Variants in ADGRG7 observed in about 807,000 individuals in gnomAD.
ADGRG7 encodes the protein G-protein coupled receptor 128.
ADGRG7 carries 82 observed loss-of-function variants against 88.6 expected under a neutral mutation model. The observed-to-expected ratio is 0.93, with a 90% CI of 0.77 to 1.11. The LOEUF (loss-of-function observed/expected upper bound fraction) is 1.11. ADGRG7 is among the 50% of genes most tolerant of loss of function. ADGRG7 has a pLI of 0.00. For synonymous variants in ADGRG7, 381 were observed against 345.2 expected, an observed-to-expected ratio of 1.10 and a Z score of -1.15; for missense variants, 945 against 953.4, an observed-to-expected ratio of 0.99 and a Z score of 0.12.
intron 1 of ADGRG7, among the ~76,000 whole-genome samples, chr3:100,618,831 G>C (rs1707264455): frequency 6.6e-6 from 1 of 152,030 alleles, no homozygotes; most frequent in Admixed American, 6.6e-5. Flanking sequence ...TCACAATATT[G>C]ATTCTTCCTA....
chr3:100,683,012 T>G (rs1384454692), intron 15 of ADGRG7, among the ~76,000 whole-genome samples: 3 of 152,136 alleles, frequency 2.0e-5, no homozygotes, highest in Non-Finnish European at 4.4e-5. Context: ...AGGGAGGGCC[T>G]GATGAGCAGC....
In ADGRG7 at chr3:100,690,841, C is replaced by T. The variant is rs545936472; in HGVS notation, c.2137-3903C>T. Among the ~76,000 whole-genome samples the T allele has an allele frequency of 4.6e-5, 7 of 152,310 alleles. No homozygotes were observed. The South Asian group carries it at 1.5e-3, about 32-fold the overall frequency. ...GGGACCCACTTGAGGAGGCAGTCTGCCCGTTCTCAGATCTCAAGCTGTGTG... is the reference window on the plus strand; with the variant it reads ...GGGACCCACTTGAGGAGGCAGTCTGTCCGTTCTCAGATCTCAAGCTGTGTG... On this transcript the variant is annotated intron_variant, in intron 15 of 15. Coordinates refer to ENST00000273352, the MANE Select transcript of ADGRG7 (RefSeq NM_032787.3).
chr3:100,659,612 A>G (rs1432379496), intron 13 of ADGRG7, 76 bp from the exon 14 acceptor site: 1 of 1,254,798 alleles, frequency 8.0e-7, no homozygotes, highest in African/African-American at 1.5e-5. Context: ...AGTGAATGTC[A>G]ATAGTGTTAA....
At chr3:100,614,532 C>A (rs926062158) in intron 1 of ADGRG7, among the ~76,000 whole-genome samples, 5 of 152,078 alleles carry the variant, frequency 3.3e-5, no homozygotes, top group African/African-American at 1.2e-4. Context: ...TTTCTCTTTA[C>A]AACCAGAATA....
At chr3:100,611,283 C>T (rs181190455) in intron 1 of ADGRG7, among the ~76,000 whole-genome samples, 2,162 of 142,982 alleles carry the variant, frequency 0.015, 62 homozygotes, top group African/African-American at 0.05. Flanking sequence ...TTCCTTCCTT[C>T]CTTCCTTCCT....
chr3:100,689,770 A>G (rs7622313), intron 15 of ADGRG7, among the ~76,000 whole-genome samples: 50,281 of 151,884 alleles, frequency 0.33, 8,836 homozygotes, highest in East Asian at 0.54. Context: ...GCTTCCCTTT[A>G]TGGGTAACCC....
At chr3:100,627,867 A>G (rs1013022979) in intron 1 of ADGRG7, among the ~76,000 whole-genome samples, 1 of 152,030 alleles carries the variant, frequency 6.6e-6, no homozygotes, top group African/African-American at 2.4e-5. Flanking sequence ...CTGATATTTT[A>G]TCTTCCCTAT....
At chr3:100,658,127 A>G (rs1055985382) in intron 13 of ADGRG7, among the ~76,000 whole-genome samples, 17 of 152,138 alleles carry the variant, frequency 1.1e-4, no homozygotes, top group African/African-American at 3.9e-4. Flanking sequence ...TCCCCAGTTA[A>G]TAGTAATTCT....
intron 6 of ADGRG7, among the ~76,000 whole-genome samples, chr3:100,639,428 C>G (rs1177648703): frequency 6.6e-6 from 1 of 152,198 alleles, no homozygotes; most frequent in Non-Finnish European, 1.5e-5. Flanking sequence ...CAAAATAGAG[C>G]ATTCAAAGAT....
chr3:100,646,028 A>C lies in ADGRG7; in HGVS notation c.1030A>C (p.Ser344Arg). The C allele has an allele frequency of 6.2e-7, 1 of 1,614,024 alleles. No homozygotes were observed. Among genetic ancestry groups the C allele is most frequent in the Non-Finnish European group, 8.5e-7 (1 of 1,179,932 alleles). ...SKTFTAKSDFSQKIISSKTDE... is the reference protein window; with the variant it reads ...SKTFTAKSDFRQKIISSKTDE... The stretch of plus-strand genomic sequence containing the variant: ...AACTTTTACAGCTAAATCGGATTTT[A>C]GTCAAAAAATTATCTCAAGCAAAAC... Residue 344 changes from serine (S) to arginine (R), a missense_variant, in exon 9 of 16, where the codon AGT (serine) becomes CGT (arginine). By Grantham distance (110) the Ser-to-Arg change is moderately radical. Coordinates refer to ENST00000273352, the MANE Select transcript of ADGRG7 (RefSeq NM_032787.3).
At chr3:100,669,497 G>C (rs1014088129) in intron 15 of ADGRG7, among the ~76,000 whole-genome samples, 1 of 126,536 alleles carries the variant, frequency 7.9e-6, no homozygotes, top group African/African-American at 3.2e-5. Context: ...TCGCGCCACC[G>C]CACTCCAGCC....
chr3:100,637,385 T>C lies in ADGRG7; in HGVS notation c.681T>C (p.Asn227=). The C allele has an allele frequency of 6.2e-7, 1 of 1,612,716 alleles. No individual in the cohort carries two copies. Among genetic ancestry groups the C allele is most frequent in the Non-Finnish European group, 8.5e-7 (1 of 1,178,806 alleles). Residue 227 remains asparagine, a synonymous_variant, in exon 6 of 16, where the codon AAT becomes AAC. Transcript: ENST00000273352. ...DAFQRVAATA[N]DDALTTLIEQ... is the part of the protein sequence containing the mutation. ...TTCAAAGAGTTGCTGCTACTGCTAATGATGATGCCCTTACAACGTAAGCAC... is the reference window on the plus strand; with the variant it reads ...TTCAAAGAGTTGCTGCTACTGCTAACGATGATGCCCTTACAACGTAAGCAC...
chr3:100,649,832 C>A, intron 11 of ADGRG7, 25 bp downstream of exon 11: 1 of 1,345,912 alleles, frequency 7.4e-7, no homozygotes, highest in South Asian at 1.2e-5. Flanking sequence ...AGGCTCTTTT[C>A]AGAAGAGAAA....
chr3:100,625,128 G>T (rs1707364928), intron 1 of ADGRG7, among the ~76,000 whole-genome samples: 1 of 152,194 alleles, frequency 6.6e-6, no homozygotes. Context: ...GCTCTTGGCA[G>T]TATGGCCATT....
At chr3:100,659,439 CAA>C (rs373835556) in intron 13 of ADGRG7, among the ~76,000 whole-genome samples, 6 of 80,910 alleles carry the variant, frequency 7.4e-5, no homozygotes, top group African/African-American at 2.5e-4. Context: ...GACTCAGTCT[CAA>C]AAAAAAAAAA....
At chr3:100,644,187 T>TAA (rs11388624) in intron 8 of ADGRG7, among the ~76,000 whole-genome samples, 37 of 150,068 alleles carry the variant, frequency 2.5e-4, no homozygotes, top group South Asian at 1.7e-3. Context: ...TTTCAAAATC[T>TAA]AAAAAAAAAA....
intron 1 of ADGRG7, among the ~76,000 whole-genome samples, chr3:100,621,862 C>T (rs1478627303): frequency 6.6e-6 from 1 of 152,172 alleles, no homozygotes; most frequent in East Asian, 1.9e-4. Context: ...CTTCAAAGGA[C>T]AGGTTCTCTT....
intron 15 of ADGRG7, among the ~76,000 whole-genome samples, chr3:100,691,049 A>G (rs1381438562): frequency 6.6e-6 from 1 of 152,150 alleles, no homozygotes; most frequent in Non-Finnish European, 1.5e-5. Flanking sequence ...TTACCTACTC[A>G]AGCCTCAGCA....
At chr3:100,615,900 C>T (rs1707217842) in intron 1 of ADGRG7, among the ~76,000 whole-genome samples, 1 of 151,992 alleles carries the variant, frequency 6.6e-6, no homozygotes, top group Non-Finnish European at 1.5e-5. Context: ...CAGCAAAATA[C>T]CTAAGCCTTG....
Sources: allele counts gnomAD v4.1 joint callset (sites outside exome capture counted in the v4.1 genomes callset), GRCh38; gene constraint gnomAD v4.1.1; transcripts MANE v1.5; gene names NCBI Gene and HGNC (gene_info 2026-07-23, HGNC 2026-07-21).